DSCAM: variants seen among roughly 807,000 people sequenced by gnomAD.
DSCAM encodes cell adhesion molecule DSCAM.
Under a neutral mutation model 217.7 loss-of-function variants are expected in DSCAM, and 47 were observed. The observed-to-expected ratio is 0.22, with a 90% CI of 0.17 to 0.28. The LOEUF is 0.28. Among genes scored for constraint, DSCAM ranks in the 10% least tolerant of loss-of-function variants. The probability of loss-of-function intolerance (pLI) is 1.00; values close to 1 mark genes in which losing one functional copy is unlikely to be tolerated. For missense variants in DSCAM, 2,080 were observed against 2,618.3 expected (o/e 0.79, Z 4.49); for synonymous variants, 1,056 against 1,015.3 (o/e 1.04, Z -0.76).
At chr21:40,209,302 C>A (rs368131014) in intron 11 of DSCAM, among the ~76,000 whole-genome samples, 1 of 152,148 alleles carries the variant, frequency 6.6e-6, no homozygotes, top group African/African-American at 2.4e-5. Flanking sequence ...AGTATAATGC[C>A]AGGCTTTGAG....
At chr21:40,142,962 T>C (rs1352555792) in intron 17 of DSCAM, among the ~76,000 whole-genome samples, 1 of 152,230 alleles carries the variant, frequency 6.6e-6, no homozygotes, top group Non-Finnish European at 1.5e-5. Flanking sequence ...TCTTTACTTT[T>C]AGGACAGTTG....
chr21:40,143,167 A>C (rs2090313583), intron 17 of DSCAM, among the ~76,000 whole-genome samples: 1 of 152,254 alleles, frequency 6.6e-6, no homozygotes, highest in Non-Finnish European at 1.5e-5. Flanking sequence ...GCTAAAAAGT[A>C]GAAACATAAT....
At chr21:40,600,223 C>T (rs1197306635) in intron 3 of DSCAM, among the ~76,000 whole-genome samples, 1 of 152,162 alleles carries the variant, frequency 6.6e-6, no homozygotes, top group East Asian at 1.9e-4. Context: ...TAAGAAAATA[C>T]CATCAACTGG....
At chr21:40,613,642 A>G (rs1369122409) in intron 3 of DSCAM, among the ~76,000 whole-genome samples, 1 of 152,054 alleles carries the variant, frequency 6.6e-6, no homozygotes, top group Admixed American at 6.5e-5. Context: ...AGCATGCCGC[A>G]CTGCTGAGAC....
intron 3 of DSCAM, among the ~76,000 whole-genome samples, chr21:40,505,644 A>T (rs1337135833): frequency 6.6e-6 from 1 of 152,150 alleles, no homozygotes; most frequent in South Asian, 2.1e-4. Context: ...GTTTACAGGG[A>T]CTCTTACTAA....
intron 20 of DSCAM, among the ~76,000 whole-genome samples, chr21:40,098,530 C>T (rs2089711266): frequency 6.6e-6 from 1 of 152,218 alleles, no homozygotes; most frequent in Non-Finnish European, 1.5e-5. Context: ...TATTTCCTCA[C>T]ACTTTATGCT....
intron 3 of DSCAM, among the ~76,000 whole-genome samples, chr21:40,474,316 A>T (rs995771428): frequency 2.5e-4 from 15 of 59,706 alleles, no homozygotes; most frequent in African/African-American, 3.6e-4. Context: ...AATAAATATT[A>T]AAAAAAAACA....
chr21:40,123,801 G>A (rs1227111115), intron 20 of DSCAM, among the ~76,000 whole-genome samples: 3 of 150,688 alleles, frequency 2.0e-5, no homozygotes, highest in East Asian at 3.9e-4. Flanking sequence ...GAGGGAAGGA[G>A]GGAGGGAGGG....
At chr21:40,712,633 C>T (rs774797537) in intron 1 of DSCAM, among the ~76,000 whole-genome samples, 1 of 152,054 alleles carries the variant, frequency 6.6e-6, no homozygotes. Context: ...ATTCACTGTC[C>T]CCATATTTTT....
chr21:40,585,767 A>AATTTTT (rs1392473371), intron 3 of DSCAM, among the ~76,000 whole-genome samples: 3 of 152,094 alleles, frequency 2.0e-5, no homozygotes, highest in African/African-American at 7.2e-5. Context: ...TTTTGCAGTA[A>AATTTTT]AGAATGAATT....
intron 20 of DSCAM, among the ~76,000 whole-genome samples, chr21:40,101,418 A>G (rs1375616968): frequency 6.6e-6 from 1 of 151,824 alleles, no homozygotes; most frequent in Non-Finnish European, 1.5e-5. Flanking sequence ...AGCGGTCCCC[A>G]GCCTTTTTGG....
intron 3 of DSCAM, among the ~76,000 whole-genome samples, chr21:40,674,563 C>T (rs1001400018): frequency 5.3e-4 from 81 of 151,950 alleles, no homozygotes; most frequent in African/African-American, 1.9e-3. Context: ...AACCTCACCC[C>T]TGGCAATGGA....
At chr21:40,606,771 G>A (rs533963792) in intron 3 of DSCAM, among the ~76,000 whole-genome samples, 18 of 152,338 alleles carry the variant, frequency 1.2e-4, no homozygotes, top group African/African-American at 4.1e-4. Flanking sequence ...GTTTGGCTGT[G>A]TCATCACCCA....
At chr21:40,558,878 A>T (rs1382472866) in intron 3 of DSCAM, among the ~76,000 whole-genome samples, 2 of 152,208 alleles carry the variant, frequency 1.3e-5, no homozygotes, top group Admixed American at 1.3e-4. Flanking sequence ...TACGTATGCC[A>T]GGATGAAGTG....
chr21:40,265,442 A>G (rs997120212), intron 11 of DSCAM, among the ~76,000 whole-genome samples: 1 of 152,050 alleles, frequency 6.6e-6, no homozygotes, highest in Admixed American at 6.5e-5. Context: ...TACAGATTCA[A>G]TGCAATTCCT....
intron 3 of DSCAM, among the ~76,000 whole-genome samples, chr21:40,677,474 C>T (rs1051183579): frequency 5.3e-5 from 8 of 152,210 alleles, no homozygotes; most frequent in Admixed American, 4.6e-4. Context: ...TTGCAGCTTT[C>T]GATACTGGTG....
intron 1 of DSCAM, among the ~76,000 whole-genome samples, chr21:40,760,374 A>G (rs2091320992): frequency 6.6e-6 from 1 of 152,046 alleles, no homozygotes; most frequent in African/African-American, 2.4e-5. Flanking sequence ...AATATTTCAG[A>G]ATTCCTCCTG....
At chr21:40,400,378 C>T (rs2075222696) in intron 3 of DSCAM, among the ~76,000 whole-genome samples, 1 of 152,130 alleles carries the variant, frequency 6.6e-6, no homozygotes, top group Admixed American at 6.6e-5. Flanking sequence ...AACGTCTACC[C>T]TAATAGAATG....
intron 3 of DSCAM, among the ~76,000 whole-genome samples, chr21:40,581,823 C>G (rs1465608115): frequency 6.6e-6 from 1 of 152,096 alleles, no homozygotes; most frequent in Middle Eastern, 3.2e-3. Flanking sequence ...TATACAGTAA[C>G]ATTTTCATAT....
Sources: gnomAD v4.1 joint callset for allele counts (sites outside exome capture counted in the v4.1 genomes callset) on GRCh38, gnomAD v4.1.1 for gene constraint, MANE v1.5 for transcripts, NCBI Gene and HGNC (gene_info 2026-07-23, HGNC 2026-07-21) for gene names.